Variants in NCOR1 observed in about 807,000 individuals in gnomAD.
The protein encoded by NCOR1 is protein phosphatase 1, regulatory subunit 109.
Under a neutral mutation model 288.1 loss-of-function variants are expected in NCOR1, and 63 were observed. The ratio of observed to expected loss-of-function variants is 0.22; its 90% CI spans 0.18 to 0.27. The LOEUF (loss-of-function observed/expected upper bound fraction) is 0.27. NCOR1 is among the 10% of genes least tolerant of loss of function. The probability of loss-of-function intolerance (pLI) is 1.00; values close to 1 mark genes in which losing one functional copy is unlikely to be tolerated. For missense variants in NCOR1, 2,397 were observed against 3,019.2 expected, an observed-to-expected ratio of 0.79 and a Z score of 4.83; for synonymous variants, 1,007 against 1,065.9, an observed-to-expected ratio of 0.94 and a Z score of 1.08.
intron 5 of NCOR1, among the ~76,000 whole-genome samples, chr17:16,162,687 T>C (rs1278087460): frequency 6.6e-6 from 1 of 152,006 alleles, no homozygotes; most frequent in Non-Finnish European, 1.5e-5. Context: ...ACAGGCCAAA[T>C]ATAAGACAAT....
chr17:16,055,883 G>C (rs1374856562), intron 40 of NCOR1, among the ~76,000 whole-genome samples: 1 of 152,108 alleles, frequency 6.6e-6, no homozygotes, highest in Non-Finnish European at 1.5e-5. Flanking sequence ...AGGTTATCCA[G>C]CTGCGTCTAA....
intron 8 of NCOR1, 60 bp from the exon 9 acceptor site, chr17:16,149,577 C>A: frequency 2.7e-6 from 2 of 740,082 alleles, no homozygotes; most frequent in Admixed American, 2.7e-5. Context: ...ATAATGCATT[C>A]ACTTTTTTTC....
At chr17:16,088,886 G>A (rs567958256) in intron 22 of NCOR1, among the ~76,000 whole-genome samples, 10 of 152,020 alleles carry the variant, frequency 6.6e-5, no homozygotes, top group African/African-American at 2.4e-4. Flanking sequence ...AGATGTCTCT[G>A]GTGTATCCAT....
At chr17:16,068,608 A>G (rs1244392659) in intron 31 of NCOR1, among the ~76,000 whole-genome samples, 1 of 151,704 alleles carries the variant, frequency 6.6e-6, no homozygotes, top group African/African-American at 2.4e-5. Flanking sequence ...ACCAATATCT[A>G]TCACCTCCCT....
chr17:16,198,086 G>C (rs1027165865), intron 1 of NCOR1: 1 of 152,074 alleles, frequency 6.6e-6, no homozygotes, highest in East Asian at 1.9e-4. Context: ...GGCCAGGCGC[G>C]GTGGCTCACA....
chr17:16,200,284 A>C (rs1662373843), intron 1 of NCOR1, among the ~76,000 whole-genome samples: 1 of 152,002 alleles, frequency 6.6e-6, no homozygotes, highest in African/African-American at 2.4e-5. Context: ...TCAGGAGATC[A>C]AGACCATCCT....
intron 40 of NCOR1, among the ~76,000 whole-genome samples, chr17:16,049,765 T>C (rs2059094827): frequency 6.6e-6 from 1 of 152,132 alleles, no homozygotes; most frequent in South Asian, 2.1e-4. Context: ...TTTTGTATTT[T>C]TAGTAGAGAC....
chr17:16,153,941 C>G (rs189055869), intron 6 of NCOR1, among the ~76,000 whole-genome samples: 3 of 151,194 alleles, frequency 2.0e-5, no homozygotes, highest in African/African-American at 7.3e-5. Context: ...CAAAGAAAAC[C>G]GCTAATTTGA....
chr17:16,075,518 T>C lies in NCOR1; in HGVS notation c.3670+16A>G, dbSNP rs139184991. 905 of 1,611,532 alleles carry C rather than the reference T, an allele frequency of 5.6e-4. 6 individuals carry two copies. The African/African-American group carries it at 0.01, about 18-fold the overall frequency. On this transcript the variant is annotated intron_variant, in intron 27 of 45. Coordinates refer to ENST00000268712, the MANE Select transcript of NCOR1 (RefSeq NM_006311.4). ...ATATTGTAATACTGGCTTTGGTGCA[T>C]ACATACAATACTTACTATCATATGA... is the stretch of plus-strand genomic sequence containing the variant.
intron 18 of NCOR1, among the ~76,000 whole-genome samples, chr17:16,114,411 A>G (rs1402851781): frequency 6.6e-6 from 1 of 151,970 alleles, no homozygotes; most frequent in Non-Finnish European, 1.5e-5. Context: ...TTCAAAACCA[A>G]TCATGCCTTC....
In NCOR1 at chr17:16,210,606, C is replaced by T. The variant is rs537537516; in HGVS notation, c.-71+4756G>A. Among the ~76,000 whole-genome samples, 31 of 152,244 alleles carry T rather than the reference C, an allele frequency of 2.0e-4. No individual in the cohort carries two copies. In the Middle Eastern group the frequency reaches 0.01, roughly 50 times the overall value. On this transcript the variant is annotated intron_variant, in intron 1 of 45. Coordinates refer to ENST00000268712, the MANE Select transcript of NCOR1 (RefSeq NM_006311.4). Reference sequence around the variant, plus strand: ...TTCCTGGTGATCACTGTAACACTGACATAGATCAGTATCAATTTTTTCAAA... The same window carrying T: ...TTCCTGGTGATCACTGTAACACTGATATAGATCAGTATCAATTTTTTCAAA...
At chr17:16,164,404 CT>C (rs2081572348) in intron 5 of NCOR1, among the ~76,000 whole-genome samples, 1 of 152,012 alleles carries the variant, frequency 6.6e-6, no homozygotes, top group Admixed American at 6.6e-5. Flanking sequence ...AAATAGGAGA[CT>C]ATAGACAAAA....
chr17:16,065,525 T>G lies in NCOR1; in HGVS notation c.4911A>C (p.Pro1637=). 4 of 1,614,184 alleles carry G rather than the reference T, an allele frequency of 2.5e-6. No individual in the cohort carries two copies. Among genetic ancestry groups the G allele is most frequent in the Non-Finnish European group, 3.4e-6 (4 of 1,180,032 alleles). ...LRPDVARGLS[P]REQPLGLPYP... ...ATGGGAGACCCAGTGGCTGCTCTCT[T>G]GGGGAGAGTCCTCTGGCCACATCTG... is the stretch of plus-strand genomic sequence containing the variant. Residue 1637 remains proline, a synonymous_variant, in exon 33 of 46, where the codon CCA becomes CCC. Coordinates refer to ENST00000268712, the MANE Select transcript of NCOR1 (RefSeq NM_006311.4).
At position 16,101,215 on chromosome 17, in the gene NCOR1, G is replaced by A. The variant is rs547621614; in HGVS notation, c.2690+35C>T. The A allele has an allele frequency of 2.6e-6, 4 of 1,534,808 alleles. No homozygotes were observed. The South Asian group carries it at 5.2e-5, about 20-fold the overall frequency. Reference sequence around the variant, plus strand: ...TGTGATTCAGTCACCAACCAGCAGAGTAAGCACGGGGAGGACTTATGGAAC... The same window carrying A: ...TGTGATTCAGTCACCAACCAGCAGAATAAGCACGGGGAGGACTTATGGAAC... On this transcript the variant is annotated intron_variant, in intron 20 of 45. Transcript: ENST00000268712.
Position 16,034,912 on chromosome 17 carries a change from A to G in NCOR1, c.6988T>C (p.Ser2330Pro), listed in dbSNP as rs762066806. ...GVCKPKLISK[S>P]NSRKSKSPIP... ...GGAGACTTAGATTTCCTGCTGTTTG[A>G]CTTGCTGATCAGCTTTGGTTTGCAA... Residue 2330 changes from serine to proline, a missense_variant, in exon 45 of 46, where the codon TCA becomes CCA. By Grantham distance (74) the Ser-to-Pro change is moderately conservative (BLOSUM62 -1). Coordinates refer to ENST00000268712, the MANE Select transcript of NCOR1 (RefSeq NM_006311.4). The G allele has an allele frequency of 9.3e-6, 15 of 1,613,958 alleles. No homozygotes were observed. The highest frequency in any genetic ancestry group is 8.5e-7 in the Non-Finnish European group (1 of 1,180,010).
In NCOR1 at chr17:16,158,891, A is replaced by G. The variant is rs2080254283; in HGVS notation, c.619-18T>C. On this transcript the variant is annotated intron_variant, in intron 5 of 45. Coordinates refer to ENST00000268712, the MANE Select transcript of NCOR1 (RefSeq NM_006311.4). ...AGCTGTTGCTAAGAGATCCAGAAAG[A>G]AAGAGTCAAGCATGTGCTGCACACC... 2 of 1,582,874 alleles carry G rather than the reference A, an allele frequency of 1.3e-6. No individual in the cohort carries two copies. Among genetic ancestry groups the G allele is most frequent in the African/African-American group, 2.7e-5 (2 of 74,308 alleles).
chr17:16,207,179 AG>A (rs2091613267), intron 1 of NCOR1, among the ~76,000 whole-genome samples: 1 of 152,236 alleles, frequency 6.6e-6, no homozygotes, highest in South Asian at 2.1e-4. Context: ...AAATCTTAAA[AG>A]TAACGCAAAG....
intron 14 of NCOR1, among the ~76,000 whole-genome samples, chr17:16,135,959 T>A (rs751150964): frequency 3.5e-4 from 53 of 152,152 alleles, no homozygotes; most frequent in Non-Finnish European, 6.3e-4. Context: ...TCGGAGCTCA[T>A]GCATGCAAGT....
Position 16,066,526 on chromosome 17 carries a change from A to G in NCOR1, c.4742-832T>C, listed in dbSNP as rs140890108. On this transcript the variant is annotated intron_variant, in intron 32 of 45. Transcript: ENST00000268712. ...CTACAAAATGAAGACAATGATAAACACTAAATAGAAACCAGAAAAATTCCA... is the reference window on the plus strand; with the variant it reads ...CTACAAAATGAAGACAATGATAAACGCTAAATAGAAACCAGAAAAATTCCA... Among the ~76,000 whole-genome samples, 29 of 152,338 alleles carry G rather than the reference A, an allele frequency of 1.9e-4. No homozygotes were observed. In the East Asian group the frequency reaches 5.2e-3, roughly 27 times the overall value.
Sources: gnomAD v4.1 joint callset for allele counts (sites outside exome capture counted in the v4.1 genomes callset) on GRCh38, gnomAD v4.1.1 for gene constraint, MANE v1.5 for transcripts, NCBI Gene and HGNC (gene_info 2026-07-23, HGNC 2026-07-21) for gene names.